The following FGD4 variants were observed in gnomAD, a reference collection of about 807,000 sequenced individuals.
FGD4 encodes FYVE, RhoGEF and PH domain-containing protein 4.
In FGD4, 42 loss-of-function variants were observed where a neutral mutation model predicts 102.0. That is an observed-to-expected ratio of 0.41 (90% CI 0.32 to 0.53). FGD4 has a LOEUF of 0.53. Among genes scored for constraint, FGD4 ranks in the 20% least tolerant of loss-of-function variants. FGD4 has a pLI of 0.21. For missense variants in FGD4, 902 were observed against 1,078.2 expected (o/e 0.84, Z 2.29); for synonymous variants, 380 against 375.7 (o/e 1.01, Z -0.13).
intron 1 of FGD4, among the ~76,000 whole-genome samples, chr12:32,474,550 CAGAA>C (rs1316533159): frequency 1.3e-5 from 2 of 152,214 alleles, no homozygotes; most frequent in South Asian, 4.1e-4. Context: ...AATCTATAGA[CAGAA>C]AGATTAGCGT....
chr12:32,473,954 G>C (rs935001980), intron 1 of FGD4, among the ~76,000 whole-genome samples: 1 of 152,084 alleles, frequency 6.6e-6, no homozygotes, highest in Non-Finnish European at 1.5e-5. Context: ...CGAGCATGGT[G>C]GTGGGCGCCT....
At chr12:32,574,162 A>G (rs1421218504) in intron 2 of FGD4, among the ~76,000 whole-genome samples, 1 of 152,188 alleles carries the variant, frequency 6.6e-6, no homozygotes, top group Non-Finnish European at 1.5e-5. Flanking sequence ...GATGGGTATC[A>G]TTGTATTTTA....
At position 32,571,370 on chromosome 12, in the gene FGD4, A is replaced by G. The variant is rs577440626; in HGVS notation, c.320-4896A>G. On this transcript the variant is annotated intron_variant, in intron 2 of 16. Transcript: ENST00000534526. The stretch of plus-strand genomic sequence containing the variant: ...CTCTTGAGGCTGAGGCACAAGAATC[A>G]CTTGAACCTGGAAGGCGGAGGTTGC... Among the ~76,000 whole-genome samples, 9 of 152,044 alleles carry G rather than the reference A, an allele frequency of 5.9e-5. No individual in the cohort carries two copies. The East Asian group carries it at 1.7e-3, about 29-fold the overall frequency.
chr12:32,611,252 A>C lies in FGD4; in HGVS notation c.1718A>C (p.Asn573Thr). 6.2e-7 allele frequency: 1 copy of C among 1,614,218 alleles called. No individual in the cohort carries two copies. Among genetic ancestry groups the C allele is most frequent in the Non-Finnish European group, 8.5e-7 (1 of 1,180,046 alleles). Reference sequence around the variant, plus strand: ...CAGATCCTCAAACTAGCTGCTCGGAACACTTCAGCACAAGAACGCTACCTT... The same window carrying C: ...CAGATCCTCAAACTAGCTGCTCGGACCACTTCAGCACAAGAACGCTACCTT... ...EGQILKLAAR[N>T]TSAQERYLFL... is the part of the protein sequence containing the mutation. Residue 573 changes from asparagine (N) to threonine (T), a missense_variant, in exon 10 of 17, where the codon AAC becomes ACC. Around this residue, in one of 2 missense-constraint regions of FGD4, gnomAD observed 459 missense variants for 619.0 expected, o/e 0.74. Transcript: ENST00000534526.
At chr12:32,616,519 T>C (rs940657274) in intron 10 of FGD4, among the ~76,000 whole-genome samples, 4 of 152,258 alleles carry the variant, frequency 2.6e-5, no homozygotes, top group Non-Finnish European at 4.4e-5. Context: ...TCTCCAGTGC[T>C]GTGCTTGTCA....
rs145545055 is a variant in FGD4 at position 32,487,095 on chromosome 12, C to A, written c.167-77042C>A. 3.4e-3 allele frequency among the ~76,000 whole-genome samples: 511 copies of A among 152,248 alleles called. 2 individuals are homozygous for A. Among genetic ancestry groups the A allele is most frequent in the African/African-American group, 9.8e-3 (409 of 41,546 alleles). ...GCTCTACACTATTCTGTTACAGGTA[C>A]CTTAATTAACACATCCACTATTATT... On this transcript the variant is annotated intron_variant, in intron 1 of 16. Transcript: ENST00000534526.
At chr12:32,546,773 G>A (rs1375049636) in intron 1 of FGD4, among the ~76,000 whole-genome samples, 3 of 152,210 alleles carry the variant, frequency 2.0e-5, no homozygotes, top group Non-Finnish European at 4.4e-5. Context: ...GATTTGAGAA[G>A]CAAATGTAGG....
chr12:32,598,999 G>A (rs4931639), intron 5 of FGD4, among the ~76,000 whole-genome samples: 51,551 of 151,966 alleles, frequency 0.34, 8,932 homozygotes, highest in Middle Eastern at 0.51. Flanking sequence ...ATCTGAGCTG[G>A]TGTAGTCATA....
chr12:32,622,980 A>G (rs143639505), intron 11 of FGD4, among the ~76,000 whole-genome samples: 62 of 152,338 alleles, frequency 4.1e-4, no homozygotes, highest in African/African-American at 1.3e-3. Flanking sequence ...AAGTGGGTAT[A>G]TATTTGGAGA....
chr12:32,453,608 C>G (rs946775737), intron 1 of FGD4, among the ~76,000 whole-genome samples: 6 of 152,126 alleles, frequency 3.9e-5, no homozygotes, highest in Non-Finnish European at 8.8e-5. Context: ...GCTCATCCTA[C>G]AGAGAAGCAA....
At chr12:32,552,651 G>C (rs773445824) in intron 1 of FGD4, among the ~76,000 whole-genome samples, 2 of 152,050 alleles carry the variant, frequency 1.3e-5, no homozygotes, top group Non-Finnish European at 2.9e-5. Flanking sequence ...TCGGGCAGTA[G>C]TGAGGGCAAA....
intron 1 of FGD4, among the ~76,000 whole-genome samples, chr12:32,474,751 A>C (rs1943543412): frequency 6.6e-6 from 1 of 152,092 alleles, no homozygotes; most frequent in Non-Finnish European, 1.5e-5. Context: ...CAAAAAATAC[A>C]AAAATTTGCC....
chr12:32,520,038 A>G (rs765262431), intron 1 of FGD4, among the ~76,000 whole-genome samples: 2 of 152,224 alleles, frequency 1.3e-5, no homozygotes, highest in Admixed American at 1.3e-4. Flanking sequence ...AGATATTACT[A>G]TAGATGGAAA....
At chr12:32,627,527 G>A (rs1287867014) in intron 14 of FGD4, among the ~76,000 whole-genome samples, 3 of 152,188 alleles carry the variant, frequency 2.0e-5, no homozygotes, top group Admixed American at 6.6e-5. Context: ...AGGGGAAGGA[G>A]GAGGAGATGG....
At chr12:32,593,086 G>A (rs919467440) in intron 4 of FGD4, among the ~76,000 whole-genome samples, 2 of 152,156 alleles carry the variant, frequency 1.3e-5, no homozygotes, top group Non-Finnish European at 2.9e-5. Flanking sequence ...CTAACTCTGT[G>A]ACCTTGGGTA....
intron 1 of FGD4, among the ~76,000 whole-genome samples, chr12:32,514,622 C>T (rs1939710793): frequency 6.6e-6 from 1 of 152,150 alleles, no homozygotes; most frequent in Non-Finnish European, 1.5e-5. Flanking sequence ...AGCAATCCTC[C>T]TGCCTCAGCC....
chr12:32,489,066 T>C (rs917127461), intron 1 of FGD4, among the ~76,000 whole-genome samples: 5 of 152,260 alleles, frequency 3.3e-5, no homozygotes, highest in African/African-American at 1.2e-4. Flanking sequence ...GTACTGGTTT[T>C]TTTTACACCT....
chr12:32,529,599 C>T (rs2136820673), intron 1 of FGD4, among the ~76,000 whole-genome samples: 1 of 151,666 alleles, frequency 6.6e-6, no homozygotes, highest in Non-Finnish European at 1.5e-5. Context: ...AATCCCAGCA[C>T]TTTGGGAGGC....
chr12:32,597,595 G>A (rs6488069), intron 4 of FGD4, among the ~76,000 whole-genome samples: 72,305 of 152,052 alleles, frequency 0.48, 19,026 homozygotes, highest in African/African-American at 0.71. Context: ...TTGAATACCA[G>A]TGTTTTTATT....
Sources: gnomAD v4.1 joint callset for allele counts (sites outside exome capture counted in the v4.1 genomes callset) on GRCh38, gnomAD v4.1.1 for gene constraint, gnomAD v4.1.1 regional missense constraint, MANE v1.5 for transcripts, NCBI Gene and HGNC (gene_info 2026-07-23, HGNC 2026-07-21) for gene names.